DENND5B: variants seen among roughly 807,000 people sequenced by gnomAD.
DENND5B encodes the protein DENN domain-containing protein 5B.
DENND5B carries 34 observed loss-of-function variants against 140.6 expected under a neutral mutation model. That is an observed-to-expected ratio of 0.24 (90% confidence interval 0.18 to 0.32). The LOEUF (loss-of-function observed/expected upper bound fraction) is 0.32. Among genes scored for constraint, DENND5B ranks in the 10% least tolerant of loss-of-function variants. The pLI is 1.00. For missense variants in DENND5B, 1,142 were observed against 1,560.2 expected (o/e 0.73, Z 4.52); for synonymous variants, 551 against 562.1 (o/e 0.98, Z 0.28).
At chr12:31,464,746 G>C (rs1439292669) in intron 3 of DENND5B, among the ~76,000 whole-genome samples, 1 of 151,900 alleles carries the variant, frequency 6.6e-6, no homozygotes, top group Non-Finnish European at 1.5e-5. Context: ...GTTTTTTGTA[G>C]AAAGGGGTTT....
intron 1 of DENND5B, among the ~76,000 whole-genome samples, chr12:31,502,271 C>T (rs1262228866): frequency 3.9e-5 from 6 of 152,020 alleles, no homozygotes; most frequent in East Asian, 1.9e-4. Context: ...GCCAAGATCA[C>T]GCCACTGCAC....
At chr12:31,388,267 G>A (rs1940950222) in intron 20 of DENND5B, among the ~76,000 whole-genome samples, 1 of 148,558 alleles carries the variant, frequency 6.7e-6, no homozygotes, top group Non-Finnish European at 1.5e-5. Context: ...TAACATAACA[G>A]GGTGAGGAAC....
At chr12:31,530,210 T>TA (rs1948233952) in intron 1 of DENND5B, among the ~76,000 whole-genome samples, 1 of 152,068 alleles carries the variant, frequency 6.6e-6, no homozygotes, top group African/African-American at 2.4e-5. Context: ...CTGTCTCTAC[T>TA]AAAAATACAA....
At chr12:31,508,088 G>A (rs544838940) in intron 1 of DENND5B, among the ~76,000 whole-genome samples, 14 of 152,124 alleles carry the variant, frequency 9.2e-5, no homozygotes, top group Admixed American at 4.6e-4. Context: ...AGAGAGCCAC[G>A]CTTTGCCTTC....
At chr12:31,552,853 G>A (rs148600512) in intron 1 of DENND5B, among the ~76,000 whole-genome samples, 2,572 of 152,218 alleles carry the variant, frequency 0.017, 73 homozygotes, top group African/African-American at 0.058. Context: ...GTTTATTTGC[G>A]TAGAGGTGTT....
intron 2 of DENND5B, among the ~76,000 whole-genome samples, chr12:31,485,249 A>G (rs1387183826): frequency 1.3e-5 from 2 of 152,220 alleles, no homozygotes; most frequent in Non-Finnish European, 1.5e-5. Flanking sequence ...GAATTGGGCT[A>G]TGCAGTCATG....
chr12:31,502,325 A>G (rs973712492), intron 1 of DENND5B, among the ~76,000 whole-genome samples: 13 of 151,830 alleles, frequency 8.6e-5, no homozygotes, highest in African/African-American at 3.1e-4. Flanking sequence ...AAACAAAAAC[A>G]AAAACAAAAA....
chr12:31,394,770 T>C (rs574305944), intron 17 of DENND5B, among the ~76,000 whole-genome samples: 4 of 152,092 alleles, frequency 2.6e-5, no homozygotes, highest in Non-Finnish European at 5.9e-5. Context: ...CCTGCCACCA[T>C]GCCCGGCTAA....
intron 7 of DENND5B, among the ~76,000 whole-genome samples, chr12:31,442,130 T>G (rs11612487): frequency 0.15 from 22,558 of 152,222 alleles, 1,886 homozygotes; most frequent in East Asian, 0.25. Context: ...CCCAAAGTAC[T>G]ATCCTGTCTT....
At chr12:31,486,455 T>C (rs1203071211) in intron 2 of DENND5B, among the ~76,000 whole-genome samples, 5 of 152,236 alleles carry the variant, frequency 3.3e-5, no homozygotes, top group Non-Finnish European at 7.4e-5. Flanking sequence ...GCAGGAGGAA[T>C]GGAGTAAGAA....
rs895003920 is a variant in DENND5B at position 31,484,149 on chromosome 12, C to T, written c.238-3894G>A. Among the ~76,000 whole-genome samples the T allele has an allele frequency of 1.1e-4, 17 of 152,106 alleles. 1 individual carries two copies. The highest frequency in any genetic ancestry group is 6.2e-4 in the South Asian group (3 of 4,832). On this transcript the variant is annotated intron_variant, in intron 2 of 20. Coordinates refer to ENST00000389082, the MANE Select transcript of DENND5B (RefSeq NM_144973.4). Reference sequence around the variant, plus strand: ...GATTACAGGTGTAAGCTACCCGACCCGGCCTCGAGCAATTTTCTTATTCAA... The same window carrying T: ...GATTACAGGTGTAAGCTACCCGACCTGGCCTCGAGCAATTTTCTTATTCAA...
intron 7 of DENND5B, among the ~76,000 whole-genome samples, chr12:31,437,604 A>T (rs1365526542): frequency 6.6e-6 from 1 of 152,194 alleles, no homozygotes; most frequent in Non-Finnish European, 1.5e-5. Flanking sequence ...TGCATCTTTC[A>T]GTCCATATGC....
chr12:31,507,182 CT>C (rs145264306), intron 1 of DENND5B, among the ~76,000 whole-genome samples: 267 of 144,520 alleles, frequency 1.8e-3, no homozygotes, highest in Non-Finnish European at 2.0e-3. Flanking sequence ...AGACAAATTC[CT>C]TTTTTTTTTT....
intron 2 of DENND5B, among the ~76,000 whole-genome samples, chr12:31,485,514 A>T (rs1395450661): frequency 6.6e-6 from 1 of 152,248 alleles, no homozygotes; most frequent in African/African-American, 2.4e-5. Context: ...TTATGATTTA[A>T]AATTCTGTCC....
chr12:31,411,493 C>T (rs1403688576), intron 13 of DENND5B, among the ~76,000 whole-genome samples: 4 of 151,660 alleles, frequency 2.6e-5, no homozygotes, highest in South Asian at 2.1e-4. Context: ...TATAGGCATG[C>T]GCCACGACAC....
chr12:31,404,759 C>CTTTTTTTT (rs71062425), intron 14 of DENND5B, among the ~76,000 whole-genome samples: 19,316 of 73,962 alleles, frequency 0.26, 5,417 homozygotes, highest in Admixed American at 0.47. Context: ...CGACCTCTAG[C>CTTTTTTTT]TTTTTTTTTT....
intron 1 of DENND5B, among the ~76,000 whole-genome samples, chr12:31,553,798 A>G (rs1211359643): frequency 1.3e-5 from 2 of 152,278 alleles, no homozygotes; most frequent in African/African-American, 4.8e-5. Context: ...TGTTGAATTG[A>G]TCCCTTTACC....
intron 1 of DENND5B, among the ~76,000 whole-genome samples, chr12:31,507,182 C>CA (rs1038986449): frequency 6.9e-6 from 1 of 145,312 alleles, no homozygotes; most frequent in Non-Finnish European, 1.5e-5. Context: ...AGACAAATTC[C>CA]TTTTTTTTTT....
chr12:31,425,288 C>T (rs2568889), intron 9 of DENND5B, among the ~76,000 whole-genome samples: 151,018 of 152,346 alleles, frequency 0.99, 74,864 homozygotes, highest in Middle Eastern at 1. Context: ...CACTCCAGCC[C>T]GCTGCGTGAT....
Sources: gnomAD v4.1 joint callset for allele counts (sites outside exome capture counted in the v4.1 genomes callset) on GRCh38, gnomAD v4.1.1 for gene constraint, MANE v1.5 for transcripts, NCBI Gene and HGNC (gene_info 2026-07-23, HGNC 2026-07-21) for gene names.